The following GGACT variants were observed in gnomAD, a reference collection of about 807,000 sequenced individuals.
The protein encoded by GGACT is gamma-glutamylaminecyclotransferase.
For synonymous variants in GGACT, 118 were observed against 115.3 expected, an observed-to-expected ratio of 1.02 and a Z score of -0.15; for missense variants, 241 against 233.2, an observed-to-expected ratio of 1.03 and a Z score of -0.22.
At chr13:100,541,357 G>A (rs868180712) in intron 2 of GGACT, among the ~76,000 whole-genome samples, 74 of 152,158 alleles carry the variant, frequency 4.9e-4, no homozygotes, top group African/African-American at 1.7e-3. Context: ...GAGCACCTGT[G>A]GGACTTTGGG....
intron 2 of GGACT, among the ~76,000 whole-genome samples, chr13:100,561,528 T>C (rs1639041602): frequency 7.5e-6 from 1 of 133,162 alleles, no homozygotes; most frequent in South Asian, 2.2e-4. Context: ...TTCCTGGACA[T>C]GTGGCCTTGT....
At chr13:100,564,431 A>G (rs2088792653) in intron 2 of GGACT, among the ~76,000 whole-genome samples, 1 of 152,204 alleles carries the variant, frequency 6.6e-6, no homozygotes, top group African/African-American at 2.4e-5. Context: ...TAATTTTCCA[A>G]GTATTAAAGA....
At chr13:100,584,549 G>T (rs139758417) in intron 1 of GGACT, among the ~76,000 whole-genome samples, 5 of 152,220 alleles carry the variant, frequency 3.3e-5, no homozygotes, top group Non-Finnish European at 2.9e-5. Context: ...GCAGGAATAA[G>T]ATCTAGTATT....
Position 100,534,228 on chromosome 13 carries a change from G to T in GGACT, c.-10-1627C>A, listed in dbSNP as rs2088458031. 6.6e-6 allele frequency among the ~76,000 whole-genome samples: 1 copy of T among 152,180 alleles called. No individual in the cohort carries two copies. The highest frequency in any genetic ancestry group is 2.4e-5 in the African/African-American group (1 of 41,434). On this transcript the variant is annotated intron_variant, in intron 2 of 2. Transcript: ENST00000683975. This position sits in a 1 kb window ranked among gnomAD's most constrained non-coding sequence, Gnocchi z 4.9. Reference sequence around the variant, plus strand: ...AACAACAGTATTCCCCAGATTTCAGGCACATTGCACTAGGAAAGGTGTGGC... The same window carrying T: ...AACAACAGTATTCCCCAGATTTCAGTCACATTGCACTAGGAAAGGTGTGGC...
At chr13:100,536,012 A>G (rs2088486921) in intron 2 of GGACT, 1 of 152,020 alleles carries the variant, frequency 6.6e-6, no homozygotes, top group Non-Finnish European at 1.5e-5. Flanking sequence ...GCTGAAGTGT[A>G]TTCTCTCCCA....
rs3059679 is a variant in GGACT at position 100,531,263 on chromosome 13, C to CTGTT, written c.*863_*866dup. The stretch of plus-strand genomic sequence containing the variant: ...TGCCTTGCTAAAATTATTTTAAGTG[C>CTGTT]TGTTTGTATTTGGAAGCTAAGCTTC... On this transcript the variant is annotated 3_prime_UTR_variant, in exon 3 of 3. Transcript: ENST00000683975. The CTGTT allele has an allele frequency of 0.56, 84,623 of 151,700 alleles. 23,954 individuals carry two copies. The highest frequency in any genetic ancestry group is 0.81 in the East Asian group (4,134 of 5,128). 9.4% of individuals were successfully genotyped at this position (151,700 alleles called of 1,614,324 possible). A position where few individuals can be genotyped will look rare whatever the true frequency, so the allele number is the denominator to read the frequency against.
intron 2 of GGACT, among the ~76,000 whole-genome samples, chr13:100,550,730 G>A (rs1435980679): frequency 2.6e-5 from 4 of 152,196 alleles, no homozygotes; most frequent in African/African-American, 7.2e-5. Flanking sequence ...GGTTATTAGG[G>A]AGAGAGGCGG....
chr13:100,581,001 G>A (rs1689584181), intron 2 of GGACT, among the ~76,000 whole-genome samples: 1 of 152,200 alleles, frequency 6.6e-6, no homozygotes, highest in African/African-American at 2.4e-5. Flanking sequence ...TCTCACTGTT[G>A]GAATGGGAGG....
rs1241099004 is a variant in GGACT, at chr13:100,530,197, TTTAA to T, written c.*1929_*1932del. 3.3e-6 allele frequency: 5 copies of T among 1,536,492 alleles called. No individual in the cohort carries two copies. Among genetic ancestry groups the T allele is most frequent in the African/African-American group, 1.4e-5 (1 of 73,588 alleles). On this transcript the variant is annotated 3_prime_UTR_variant, in exon 3 of 3. Coordinates refer to ENST00000683975, the MANE Select transcript of GGACT (RefSeq NM_001195087.2). Reference sequence around the variant, plus strand: ...TTATAACCTTTCAGTCATCACCCAATTTAATTAGCCATTTGCATGATGCTTTCAC... The same window carrying T: ...TTATAACCTTTCAGTCATCACCCAATTTAGCCATTTGCATGATGCTTTCAC...
intron 2 of GGACT, among the ~76,000 whole-genome samples, chr13:100,562,806 A>G (rs2088776708): frequency 1.3e-5 from 2 of 151,824 alleles, no homozygotes; most frequent in Admixed American, 6.6e-5. Flanking sequence ...AAAAAAAAAA[A>G]AAGAAAAAAA....
chr13:100,547,867 G>A (rs1481842634), intron 2 of GGACT, among the ~76,000 whole-genome samples: 1 of 152,262 alleles, frequency 6.6e-6, no homozygotes, highest in African/African-American at 2.4e-5. Flanking sequence ...CACACCAGCT[G>A]TTGACTAAGC....
At chr13:100,584,473 G>A (rs1307549061) in intron 1 of GGACT, among the ~76,000 whole-genome samples, 1 of 152,112 alleles carries the variant, frequency 6.6e-6, no homozygotes, top group Non-Finnish European at 1.5e-5. Context: ...GTTACCAGAG[G>A]CTAGGAAGGG....
intron 2 of GGACT, among the ~76,000 whole-genome samples, chr13:100,570,265 T>G (rs1446062081): frequency 6.6e-6 from 1 of 152,178 alleles, no homozygotes; most frequent in African/African-American, 2.4e-5. Context: ...AAGACATACC[T>G]GAGACTGGGT....
intron 2 of GGACT, among the ~76,000 whole-genome samples, chr13:100,561,726 A>T (rs1459400083): frequency 6.6e-6 from 1 of 152,200 alleles, no homozygotes; most frequent in Non-Finnish European, 1.5e-5. Context: ...TCACACCTCC[A>T]ACCCAGGACC....
intron 2 of GGACT, among the ~76,000 whole-genome samples, chr13:100,542,439 C>G (rs537602668): frequency 6.6e-6 from 1 of 152,220 alleles, no homozygotes; most frequent in Admixed American, 6.5e-5. Flanking sequence ...CGCTGTCATC[C>G]CTCGTGCACG....
intron 2 of GGACT, among the ~76,000 whole-genome samples, chr13:100,575,696 C>T (rs920330949): frequency 7.2e-5 from 11 of 152,070 alleles, no homozygotes; most frequent in African/African-American, 2.4e-4. Flanking sequence ...CCCAGGAGGT[C>T]GAGGCTGCTG....
At chr13:100,544,282 C>T (rs2088583859) in intron 2 of GGACT, among the ~76,000 whole-genome samples, 1 of 152,240 alleles carries the variant, frequency 6.6e-6, no homozygotes, top group African/African-American at 2.4e-5. Context: ...AACAAAATGC[C>T]TTGAACTTTC....
intron 2 of GGACT, among the ~76,000 whole-genome samples, chr13:100,543,096 T>C (rs759230582): frequency 6.6e-5 from 10 of 151,766 alleles, no homozygotes; most frequent in Non-Finnish European, 1.5e-4. Context: ...TGGTACACGT[T>C]TAAAAGCATG....
intron 2 of GGACT, among the ~76,000 whole-genome samples, chr13:100,570,980 C>T (rs7323295): frequency 0.019 from 2,896 of 151,942 alleles, 94 homozygotes; most frequent in African/African-American, 0.064. Flanking sequence ...TCCAAGAAAA[C>T]GACCCCCTAT....
Sources: allele counts gnomAD v4.1 joint callset (sites outside exome capture counted in the v4.1 genomes callset), GRCh38; gene constraint gnomAD v4.1.1; non-coding constraint Gnocchi (gnomAD v3.1); transcripts MANE v1.5; gene names NCBI Gene and HGNC (gene_info 2026-07-23, HGNC 2026-07-21).